The following GJA3 variants were observed in gnomAD, a reference collection of about 807,000 sequenced individuals.
The protein encoded by GJA3 is gap junction alpha-3 protein.
For missense variants in GJA3, 571 were observed against 620.3 expected (o/e 0.92, Z 0.84); for synonymous variants, 297 against 292.6 (o/e 1.02, Z -0.15).
At chr13:20,146,783 A>G (rs1227125683) in intron 1 of GJA3, among the ~76,000 whole-genome samples, 3 of 152,244 alleles carry the variant, frequency 2.0e-5, no homozygotes, top group Non-Finnish European at 4.4e-5. Flanking sequence ...ATAATCAGAG[A>G]CTTGGGTAAA....
rs1290897463 is a variant in GJA3, at chr13:20,153,930, G to A, written c.-18+6960C>T. Among the ~76,000 whole-genome samples the A allele has an allele frequency of 1.3e-5, 2 of 152,130 alleles. 1 individual carries two copies. The highest frequency in any genetic ancestry group is 3.8e-4 in the East Asian group (2 of 5,200). On this transcript the variant is annotated intron_variant, in intron 1 of 1. Transcript: ENST00000241125. ...GAATCTCTGAAGTTTCACACTGACAGAACATATTAGTTTTCGTCTCCGGAA... is the reference window on the plus strand; with the variant it reads ...GAATCTCTGAAGTTTCACACTGACAAAACATATTAGTTTTCGTCTCCGGAA...
In GJA3 at chr13:20,142,424, C is replaced by T. The variant is rs1404845218; in HGVS notation, c.865G>A (p.Gly289Arg). 2.7e-6 allele frequency: 4 copies of T among 1,498,550 alleles called. No homozygotes were observed. Among genetic ancestry groups the T allele is most frequent in the Non-Finnish European group, 3.6e-6 (4 of 1,123,834 alleles). 92.8% of individuals were successfully genotyped at this position (1,498,550 alleles called of 1,614,324 possible). Residue 289 changes from glycine (G) to arginine (R), a missense_variant, in exon 2 of 2, where the codon GGG becomes AGG. Gly to Arg is a moderately radical substitution (Grantham distance 125). Transcript: ENST00000241125. Reference sequence around the variant, plus strand: ...AAGTCCGCGGCTGGTGGCGGGGCCCCGGGGTAGCCCACGGCGCGGGCCTGT... The same window carrying T: ...AAGTCCGCGGCTGGTGGCGGGGCCCTGGGGTAGCCCACGGCGCGGGCCTGT... ...LGQARAVGYP[G>R]APPPAADFKL...
At chr13:20,156,569 C>T (rs1052821400) in intron 1 of GJA3, among the ~76,000 whole-genome samples, 4 of 152,170 alleles carry the variant, frequency 2.6e-5, no homozygotes, top group Admixed American at 2.0e-4. Flanking sequence ...ACCCTGGCCT[C>T]CCAAAGTGTT....
intron 1 of GJA3, among the ~76,000 whole-genome samples, chr13:20,151,727 G>T (rs562284113): frequency 6.6e-6 from 1 of 152,118 alleles, no homozygotes; most frequent in Non-Finnish European, 1.5e-5. Context: ...TGAGGCGGGG[G>T]AGGCAGACAG....
At chr13:20,160,181 C>T (rs915029709) in intron 1 of GJA3, among the ~76,000 whole-genome samples, 3 of 152,128 alleles carry the variant, frequency 2.0e-5, no homozygotes, top group African/African-American at 7.2e-5. Flanking sequence ...CGTTTGTTTT[C>T]TCAAGTCTCC....
rs1016576039 is a variant in GJA3 at position 20,152,815 on chromosome 13, C to T, written c.-18+8075G>A. ...CACTCATGAGTAGGATTTTGAGGGT[C>T]ACAAGTAGGCTTACCCAGAAAGAGT... On this transcript the variant is annotated intron_variant, in intron 1 of 1. Coordinates refer to ENST00000241125, the MANE Select transcript of GJA3 (RefSeq NM_021954.4). 5.3e-5 allele frequency among the ~76,000 whole-genome samples: 8 copies of T among 152,140 alleles called. No homozygotes were observed. In the East Asian group the frequency reaches 1.5e-3, roughly 29 times the overall value.
chr13:20,145,321 G>T (rs1052940348), intron 1 of GJA3, among the ~76,000 whole-genome samples: 1 of 152,080 alleles, frequency 6.6e-6, no homozygotes, highest in Non-Finnish European at 1.5e-5. Flanking sequence ...CATTCTGCTT[G>T]GACCCCTGGA....
At chr13:20,154,283 T>G (rs1466548809) in intron 1 of GJA3, among the ~76,000 whole-genome samples, 1 of 152,244 alleles carries the variant, frequency 6.6e-6, no homozygotes, top group Non-Finnish European at 1.5e-5. Flanking sequence ...AGCCTTAGGA[T>G]GCTGTCCCTG....
intron 1 of GJA3, among the ~76,000 whole-genome samples, chr13:20,160,211 A>G (rs1958929090): frequency 2.0e-5 from 3 of 152,196 alleles, no homozygotes; most frequent in Non-Finnish European, 2.9e-5. Context: ...GGGCTCGGAC[A>G]GTGCTTTTCC....
At position 20,142,103 on chromosome 13, in the gene GJA3, G is replaced by GCTCCTC. The variant is rs1566514226; in HGVS notation, c.1180_1185dup (p.Glu394_Glu395dup). On this transcript the variant is annotated inframe_insertion, in exon 2 of 2. Coordinates refer to ENST00000241125, the MANE Select transcript of GJA3 (RefSeq NM_021954.4). Reference sequence around the variant, plus strand: ...ATCTGGGCCGCGGTGGTCACGGCCTGCTCCTCCTCCTCGGGGGTCCCTGCC... The same window carrying GCTCCTC: ...ATCTGGGCCGCGGTGGTCACGGCCTGCTCCTCCTCCTCCTCCTCGGGGGTCCCTGCC... 2 of 1,547,886 alleles carry GCTCCTC rather than the reference G, an allele frequency of 1.3e-6. No individual in the cohort carries two copies. The highest frequency in any genetic ancestry group is 1.8e-4 in the Middle Eastern group (1 of 5,594).
chr13:20,149,656 G>A (rs1958865069), intron 1 of GJA3, among the ~76,000 whole-genome samples: 1 of 152,208 alleles, frequency 6.6e-6, no homozygotes, highest in Admixed American at 6.5e-5. Flanking sequence ...GGAAAAGTGG[G>A]ATTTCAGCTG....
upstream of GJA3, chr13:20,161,117 AG>A (rs1958935238): frequency 6.7e-6 from 1 of 150,158 alleles, no homozygotes; most frequent in Non-Finnish European, 1.5e-5. Flanking sequence ...GCCTCCGAAC[AG>A]CCCCGCCCCG....
chr13:20,139,050 T>C lies in GJA3; in HGVS notation c.*2931A>G, dbSNP rs544693111. The C allele has an allele frequency of 1.4e-4, 21 of 152,314 alleles. No individual in the cohort carries two copies. Among genetic ancestry groups the C allele is most frequent in the African/African-American group, 4.8e-4 (20 of 41,572 alleles). The allele number at this position is 152,314 out of a possible 1,614,324, so 9.4% of individuals were successfully genotyped here. The stretch of plus-strand genomic sequence containing the variant: ...AGATGCTGGCTTGCTATTTTTCTTT[T>C]GTAAATTTAAGGATTTATTCGTGTC... On this transcript the variant is annotated 3_prime_UTR_variant, in exon 2 of 2. Transcript: ENST00000241125.
At chr13:20,161,354 G>T (rs1958937142), upstream of GJA3, among the ~76,000 whole-genome samples, 1 of 152,036 alleles carries the variant, frequency 6.6e-6, no homozygotes, top group South Asian at 2.1e-4. Context: ...TGAGAGGAGA[G>T]CCGAGGGCTG....
chr13:20,154,833 G>C (rs1012053238), intron 1 of GJA3, among the ~76,000 whole-genome samples: 1 of 152,086 alleles, frequency 6.6e-6, no homozygotes, highest in Admixed American at 6.5e-5. Context: ...AAGAGGGTAA[G>C]TCCTCTTTGT....
intron 1 of GJA3, among the ~76,000 whole-genome samples, chr13:20,153,653 G>T (rs9509062): frequency 0.089 from 13,570 of 152,046 alleles, 938 homozygotes; most frequent in African/African-American, 0.19. Flanking sequence ...GGAGGGGGAA[G>T]GGATAGTATT....
At chr13:20,145,607 A>G (rs1464715079) in intron 1 of GJA3, among the ~76,000 whole-genome samples, 1 of 152,204 alleles carries the variant, frequency 6.6e-6, no homozygotes, top group African/African-American at 2.4e-5. Context: ...ACTGCACAGG[A>G]CAAAACCATG....
Position 20,139,628 on chromosome 13 carries a change from C to T in GJA3, c.*2353G>A, listed in dbSNP as rs1244705058. Reference sequence around the variant, plus strand: ...CCACAGGCACTGTTCTATTGCAAAACCTCACTTCTTTATAGATTAGTGATT... The same window carrying T: ...CCACAGGCACTGTTCTATTGCAAAATCTCACTTCTTTATAGATTAGTGATT... On this transcript the variant is annotated 3_prime_UTR_variant, in exon 2 of 2. Coordinates refer to ENST00000241125, the MANE Select transcript of GJA3 (RefSeq NM_021954.4). 1 of 152,202 alleles carries T rather than the reference C, an allele frequency of 6.6e-6. No individual in the cohort carries two copies. The highest frequency in any genetic ancestry group is 1.5e-5 in the Non-Finnish European group (1 of 68,030). 9.4% of individuals were successfully genotyped at this position (152,202 alleles called of 1,614,324 possible).
At position 20,141,778 on chromosome 13, in the gene GJA3, T is replaced by C; in HGVS notation, c.*203A>G. 1 of 720,162 alleles carries C rather than the reference T, an allele frequency of 1.4e-6. No individual in the cohort carries two copies. The highest frequency in any genetic ancestry group is 2.1e-6 in the Non-Finnish European group (1 of 465,150). 44.6% of individuals were successfully genotyped at this position (720,162 alleles called of 1,614,324 possible). On this transcript the variant is annotated 3_prime_UTR_variant, in exon 2 of 2. Transcript: ENST00000241125. ...CCCCAAACTCAGAAAGTGGGAGTTATCCCCACTGTAACTCACAGTGCTAAG... is the reference window on the plus strand; with the variant it reads ...CCCCAAACTCAGAAAGTGGGAGTTACCCCCACTGTAACTCACAGTGCTAAG...
Sources: gnomAD v4.1 joint callset for allele counts (sites outside exome capture counted in the v4.1 genomes callset) on GRCh38, gnomAD v4.1.1 for gene constraint, MANE v1.5 for transcripts, NCBI Gene and HGNC (gene_info 2026-07-23, HGNC 2026-07-21) for gene names.